Variants in CEP350 observed in about 807,000 individuals in gnomAD.
The protein encoded by CEP350 is centrosomal protein 350.
CEP350 carries 126 observed loss-of-function variants against 331.8 expected under a neutral mutation model. The ratio of observed to expected loss-of-function variants is 0.38; its 90% CI spans 0.33 to 0.44. The LOEUF is 0.44. Ranked by LOEUF, CEP350 falls within the 20% of genes least tolerant of loss-of-function variation. The pLI is 1.00. For missense variants in CEP350, 3,406 were observed against 3,634.6 expected (o/e 0.94, Z 1.62); for synonymous variants, 1,200 against 1,259.5 (o/e 0.95, Z 1.00).
chr1:179,990,920 G>A (rs770651259), intron 4 of CEP350, among the ~76,000 whole-genome samples: 13 of 152,122 alleles, frequency 8.5e-5, no homozygotes, highest in Admixed American at 4.6e-4. Flanking sequence ...ACAGTCTCGT[G>A]TTGTTTGCTT....
In CEP350 at chr1:180,043,116, G is replaced by A; in HGVS notation, c.4423G>A (p.Ala1475Thr). ...TGTCGTGGCTTCAGGAGCTCCCCTTGCAATACTGTATGACCACCAACGGCA... is the reference window on the plus strand; with the variant it reads ...TGTCGTGGCTTCAGGAGCTCCCCTTACAATACTGTATGACCACCAACGGCA... The part of the protein sequence containing the change: ...DAVVASGAPL[A>T]ILYDHQRQHL... The change falls in exon 20 of 38, where the codon GCA becomes ACA. Residue 1475 changes from alanine (A) to threonine (T), a missense_variant. This residue lies in a region of CEP350 where 1,857 missense variants were observed against 1,909.2 expected (regional missense o/e 0.97). Coordinates refer to ENST00000367607, the MANE Select transcript of CEP350 (RefSeq NM_014810.5). 6.2e-7 allele frequency: 1 copy of A among 1,613,808 alleles called. No homozygotes were observed.
intron 11 of CEP350, 139 bp from the exon 12 acceptor site, chr1:180,019,810 T>A: frequency 1.6e-6 from 1 of 626,544 alleles, no homozygotes; most frequent in South Asian, 4.0e-5. Flanking sequence ...TTTTGCTGAG[T>A]GATCTTTATC....
intron 4 of CEP350, among the ~76,000 whole-genome samples, chr1:179,991,523 C>T (rs1165862871): frequency 6.6e-6 from 1 of 151,200 alleles, no homozygotes; most frequent in Non-Finnish European, 1.5e-5. Context: ...CTCCTGACCT[C>T]GTGATCCGCC....
rs1660640209 is a variant in CEP350, at chr1:180,098,875, A to C, written c.9079A>C (p.Ser3027Arg). 6.2e-7 allele frequency: 1 copy of C among 1,612,762 alleles called. No homozygotes were observed. Among genetic ancestry groups the C allele is most frequent in the Admixed American group, 1.7e-5 (1 of 59,784 alleles). Residue 3027 changes from serine (S) to arginine (R), a missense_variant, in exon 37 of 38, where the codon AGT (serine) becomes CGT (arginine). Physicochemically the swap from Ser to Arg is moderately radical, Grantham distance 110 (BLOSUM62 -1). Transcript: ENST00000367607. ...CTTGTTTCCACAGAGCTTCATAGCA[A>C]GTGAAGTACTCAAGTTGTTCAGTCT... Reference protein sequence around the residue: ...NLDEIKSFIASEVLKLFSLKK... With the variant: ...NLDEIKSFIAREVLKLFSLKK...
intron 1 of CEP350, among the ~76,000 whole-genome samples, chr1:179,961,915 G>GTTAACTTTTTCTTAA (rs1558063573): frequency 6.6e-6 from 1 of 151,834 alleles, no homozygotes; most frequent in African/African-American, 2.4e-5. Context: ...GCTTGATCTA[G>GTTAACTTTTTCTTAA]GCTCATTGCA....
rs78991201 is a variant in CEP350, at chr1:180,044,004, G to A, written c.4500-47G>A. ...ATTAAGCAATACTTAAAATCTTTCT[G>A]TTATTAGAGACTTTGAATGTTTAAT... On this transcript the variant is annotated intron_variant, in intron 20 of 37. Transcript: ENST00000367607. 10,642 of 1,460,270 alleles carry A rather than the reference G, an allele frequency of 7.3e-3. 46 individuals are homozygous for A. Among genetic ancestry groups the A allele is most frequent in the Middle Eastern group, 0.015 (69 of 4,562 alleles). The allele number at this position is 1,460,270 out of a possible 1,614,324, so 90.5% of individuals were successfully genotyped here. A position where few individuals can be genotyped will look rare whatever the true frequency, so the allele number is the denominator to read the frequency against.
intron 6 of CEP350, among the ~76,000 whole-genome samples, 191 bp downstream of exon 6, chr1:179,997,366 C>T (rs1277539295): frequency 6.6e-6 from 1 of 151,704 alleles, no homozygotes; most frequent in Non-Finnish European, 1.5e-5. Context: ...ATGGTGAAAC[C>T]CTGTCTCTAC....
chr1:179,975,003 AAAAAG>A (rs1558072486), intron 1 of CEP350, among the ~76,000 whole-genome samples: 1 of 152,132 alleles, frequency 6.6e-6, no homozygotes. Context: ...AAAAAGAAAA[AAAAAG>A]AAAAGGAAAA....
chr1:180,063,771 C>A (rs1433917565), intron 26 of CEP350, among the ~76,000 whole-genome samples: 5 of 151,754 alleles, frequency 3.3e-5, no homozygotes, highest in Admixed American at 2.0e-4. Flanking sequence ...TGTGACCACA[C>A]CACTGCACTC....
chr1:179,982,468 A>G (rs1186487286), intron 1 of CEP350, among the ~76,000 whole-genome samples: 3 of 152,200 alleles, frequency 2.0e-5, no homozygotes, highest in Admixed American at 2.0e-4. Flanking sequence ...TATATTAAAG[A>G]TGATTGCCCA....
intron 10 of CEP350, among the ~76,000 whole-genome samples, chr1:180,015,248 T>G (rs1339342920): frequency 6.6e-6 from 1 of 150,662 alleles, no homozygotes; most frequent in East Asian, 1.9e-4. Flanking sequence ...ATTTATTTAT[T>G]TATTTGAGAC....
chr1:180,105,526 G>T (rs895215444), intron 37 of CEP350, among the ~76,000 whole-genome samples: 1 of 152,028 alleles, frequency 6.6e-6, no homozygotes, highest in African/African-American at 2.4e-5. Context: ...GTTAGCTCTG[G>T]GTTTGTCATA....
chr1:179,983,936 A>C (rs16855049), intron 1 of CEP350, among the ~76,000 whole-genome samples: 18,212 of 152,234 alleles, frequency 0.12, 1,177 homozygotes, highest in South Asian at 0.16. Context: ...CATCTACCAA[A>C]TTCAAATTAA....
At chr1:180,062,393 T>C in intron 26 of CEP350, 27 bp downstream of exon 26, 1 of 1,560,340 alleles carries the variant, frequency 6.4e-7, no homozygotes, top group South Asian at 1.2e-5. Flanking sequence ...TATTATTTGT[T>C]TCCTGTCTTA....
intron 22 of CEP350, chr1:180,052,259 G>A (rs1309866591): frequency 2.2e-6 from 1 of 451,000 alleles, no homozygotes; most frequent in South Asian, 1.6e-5. Flanking sequence ...GGCTGGTCTC[G>A]AACTCCTGGC....
Position 180,092,937 on chromosome 1 carries a change from G to C in CEP350, c.6832G>C (p.Glu2278Gln). 1 of 1,589,004 alleles carries C rather than the reference G, an allele frequency of 6.3e-7. No homozygotes were observed. The highest frequency in any genetic ancestry group is 8.6e-7 in the Non-Finnish European group (1 of 1,165,866). ...TAAGATTGAAGATGCCTTTTCTAAA[G>C]AAGGTAAATCTGATGTCTTACTGAA... ...KSKIEDAFSK[E>Q]GKSDVLLKLV... is the part of the protein sequence containing the mutation. Residue 2278 changes from glutamate to glutamine, a missense_variant, in exon 34 of 38, where the codon GAA becomes CAA. Glu to Gln is a conservative substitution (Grantham distance 29). This residue lies in a region of CEP350 where 1,415 missense variants were observed against 1,512.3 expected (regional missense o/e 0.94). Coordinates refer to ENST00000367607, the MANE Select transcript of CEP350 (RefSeq NM_014810.5).
Position 180,022,862 on chromosome 1 carries a change from G to A in CEP350, c.3386+14G>A. 2 of 1,565,116 alleles carry A rather than the reference G, an allele frequency of 1.3e-6. 1 individual carries two copies. The highest frequency in any genetic ancestry group is 2.4e-5 in the South Asian group (2 of 84,860). ...TCTTGAACCTCAGTAAGATATATTGGCAATATGGAATAAACTCTGAAGAGT... is the reference window on the plus strand; with the variant it reads ...TCTTGAACCTCAGTAAGATATATTGACAATATGGAATAAACTCTGAAGAGT... On this transcript the variant is annotated intron_variant, in intron 13 of 37. Transcript: ENST00000367607.
intron 6 of CEP350, 88 bp downstream of exon 6, chr1:179,997,263 T>C: frequency 3.5e-6 from 5 of 1,423,886 alleles, no homozygotes; most frequent in Non-Finnish European, 4.8e-6. Flanking sequence ...GGATCACCTT[T>C]AGAACAGGAT....
At chr1:180,000,827 G>T (rs887477164) in intron 6 of CEP350, 3 of 152,180 alleles carry the variant, frequency 2.0e-5, no homozygotes, top group African/African-American at 7.2e-5. Context: ...TCAGTCCTCA[G>T]GCAGCCAGGC....
Sources: allele counts gnomAD v4.1 joint callset (sites outside exome capture counted in the v4.1 genomes callset), GRCh38; gene constraint gnomAD v4.1.1; regional missense constraint gnomAD v4.1.1; transcripts MANE v1.5; gene names NCBI Gene and HGNC (gene_info 2026-07-23, HGNC 2026-07-21).